Variants in ARHGAP32 observed in about 807,000 individuals in gnomAD.
The protein encoded by ARHGAP32 is rho GTPase-activating protein 32.
In ARHGAP32, 51 loss-of-function variants were observed where a neutral mutation model predicts 186.5. That is an observed-to-expected ratio of 0.27 (90% confidence interval 0.22 to 0.35). ARHGAP32 has a LOEUF of 0.35. Ranked by LOEUF, ARHGAP32 falls within the 10% of genes least tolerant of loss-of-function variation. The probability of loss-of-function intolerance (pLI) is 1.00; values close to 1 mark genes in which losing one functional copy is unlikely to be tolerated. For synonymous variants in ARHGAP32, 950 were observed against 964.3 expected, an observed-to-expected ratio of 0.99 and a Z score of 0.27; for missense variants, 2,186 against 2,623.5, an observed-to-expected ratio of 0.83 and a Z score of 3.64.
intron 12 of ARHGAP32, chr11:128,993,137 G>A (rs1201723664): frequency 6.6e-6 from 1 of 152,158 alleles, no homozygotes; most frequent in African/African-American, 2.4e-5. Context: ...CAGAAGTTTA[G>A]AAAGTATAAT....
In ARHGAP32 at chr11:128,966,829, G is replaced by C. The variant is rs772386890; in HGVS notation, c.*2078C>G. ...TTACAGGGCTGGTGTGGTCTCCAAGGGGCAATGGGTTGCCTACTTGACAAG... is the reference window on the plus strand; with the variant it reads ...TTACAGGGCTGGTGTGGTCTCCAAGCGGCAATGGGTTGCCTACTTGACAAG... On this transcript the variant is annotated 3_prime_UTR_variant, in exon 23 of 23. Coordinates refer to ENST00000682385, the MANE Select transcript of ARHGAP32 (RefSeq NM_001378024.1). 1 of 152,098 alleles carries C rather than the reference G, an allele frequency of 6.6e-6. No homozygotes were observed. The highest frequency in any genetic ancestry group is 1.9e-4 in the East Asian group (1 of 5,190). The allele number at this position is 152,098 out of a possible 1,614,324, so 9.4% of individuals were successfully genotyped here.
intron 2 of ARHGAP32, among the ~76,000 whole-genome samples, chr11:129,130,706 T>C (rs1942790321): frequency 6.6e-6 from 1 of 152,076 alleles, no homozygotes; most frequent in African/African-American, 2.4e-5. Context: ...TAAAGTAGAA[T>C]AGGGTACCAG....
chr11:128,975,282 A>T (rs929033290), intron 20 of ARHGAP32, among the ~76,000 whole-genome samples: 1 of 152,176 alleles, frequency 6.6e-6, no homozygotes, highest in African/African-American at 2.4e-5. Context: ...CTTGGATTCT[A>T]TTACTAATCC....
chr11:128,998,254 G>C (rs991496309), intron 12 of ARHGAP32, 65 bp downstream of exon 12: 4 of 1,323,578 alleles, frequency 3.0e-6, no homozygotes, highest in East Asian at 5.0e-5. Context: ...TCCATAATTG[G>C]TTATAGCAAA....
At chr11:129,012,299 G>T (rs935805365) in intron 11 of ARHGAP32, among the ~76,000 whole-genome samples, 3 of 152,094 alleles carry the variant, frequency 2.0e-5, no homozygotes, top group Non-Finnish European at 2.9e-5. Flanking sequence ...ACAATTATAA[G>T]ATCTAAAAGG....
At chr11:129,268,500 TG>T (rs1350936412) in intron 1 of ARHGAP32, among the ~76,000 whole-genome samples, 1 of 151,966 alleles carries the variant, frequency 6.6e-6, no homozygotes, top group Non-Finnish European at 1.5e-5. Context: ...GAAAGGCAGA[TG>T]GCATATTCCC....
intron 1 of ARHGAP32, among the ~76,000 whole-genome samples, chr11:129,259,839 C>T (rs867268986): frequency 3.3e-5 from 5 of 152,114 alleles, no homozygotes; most frequent in Admixed American, 1.3e-4. Context: ...TCTTCTGAGA[C>T]CAGTAAGAAT....
intron 10 of ARHGAP32, among the ~76,000 whole-genome samples, chr11:129,047,653 C>A (rs886115250): frequency 3.3e-5 from 5 of 152,054 alleles, no homozygotes; most frequent in Non-Finnish European, 5.9e-5. Context: ...GAGATTTGAA[C>A]CAATACAAAT....
At chr11:129,181,342 C>G (rs1166511689) in intron 1 of ARHGAP32, among the ~76,000 whole-genome samples, 1 of 152,190 alleles carries the variant, frequency 6.6e-6, no homozygotes, top group Middle Eastern at 3.4e-3. Flanking sequence ...AAATATGCCT[C>G]AATTCCACTG....
intron 6 of ARHGAP32, among the ~76,000 whole-genome samples, chr11:129,081,749 A>C (rs1941226799): frequency 6.6e-6 from 1 of 152,002 alleles, no homozygotes; most frequent in African/African-American, 2.4e-5. Flanking sequence ...AGTCCTAGCT[A>C]GAACTATCAG....
intron 5 of ARHGAP32, among the ~76,000 whole-genome samples, chr11:129,111,359 C>G (rs1414690217): frequency 6.6e-6 from 1 of 152,114 alleles, no homozygotes; most frequent in Non-Finnish European, 1.5e-5. Flanking sequence ...CTATGTTTAT[C>G]AGGGATATTG....
At chr11:129,115,750 C>G (rs1942349906) in intron 5 of ARHGAP32, among the ~76,000 whole-genome samples, 1 of 152,050 alleles carries the variant, frequency 6.6e-6, no homozygotes, top group Non-Finnish European at 1.5e-5. Flanking sequence ...AGATGGAGCC[C>G]TCTAGAGATA....
chr11:129,009,241 T>C (rs113535785), intron 11 of ARHGAP32, among the ~76,000 whole-genome samples: 176 of 152,246 alleles, frequency 1.2e-3, no homozygotes, highest in African/African-American at 3.9e-3. Context: ...TATTGCTAGG[T>C]AACTTAATTT....
rs758531693 is a variant in ARHGAP32, at chr11:129,209,690, A to G, written c.-4-45263T>C. 1.5e-3 allele frequency among the ~76,000 whole-genome samples: 230 copies of G among 152,138 alleles called. 3 individuals carry two copies. The highest frequency in any genetic ancestry group is 2.0e-3 in the Non-Finnish European group (136 of 67,980). On this transcript the variant is annotated intron_variant, in intron 1 of 6. Transcript: ENST00000525234. ...TTGCAAAAAAAAAAAAATTGTAAAA[A>G]GTTCTGAAAAATGTAATACATGATG...
In ARHGAP32 at chr11:128,974,384, C is replaced by G; in HGVS notation, c.2813G>C (p.Gly938Ala). ...CTGAGCTGTGGTATTTGAGACTGTA[C>G]CAATGACTTCTGACACCCGTGGTGG... is the stretch of plus-strand genomic sequence containing the variant. ...TLPPRVSEVI[G>A]TVSNTTAQNA... The change falls in exon 21 of 23, where the codon GGT (glycine) becomes GCT (alanine). Residue 938 changes from glycine (G) to alanine (A), a missense_variant. By Grantham distance (60) the Gly-to-Ala change is moderately conservative. Coordinates refer to ENST00000682385, the MANE Select transcript of ARHGAP32 (RefSeq NM_001378024.1). 6.2e-7 allele frequency: 1 copy of G among 1,614,164 alleles called. No individual in the cohort carries two copies. The highest frequency in any genetic ancestry group is 8.5e-7 in the Non-Finnish European group (1 of 1,180,022).
At chr11:129,114,558 T>C (rs476854) in intron 5 of ARHGAP32, among the ~76,000 whole-genome samples, 107,187 of 151,960 alleles carry the variant, frequency 0.71, 38,074 homozygotes, top group South Asian at 0.82. Context: ...ACCCTATACA[T>C]GTCTGAATAT....
At chr11:129,268,346 G>A (rs1000212729) in intron 1 of ARHGAP32, among the ~76,000 whole-genome samples, 1 of 152,126 alleles carries the variant, frequency 6.6e-6, no homozygotes, top group Non-Finnish European at 1.5e-5. Context: ...CAATTTCATA[G>A]AATGAGATAC....
intron 5 of ARHGAP32, among the ~76,000 whole-genome samples, chr11:129,099,027 A>T (rs1311392146): frequency 6.6e-6 from 1 of 152,216 alleles, no homozygotes; most frequent in Non-Finnish European, 1.5e-5. Flanking sequence ...TCAACTAAAC[A>T]CATTTAAAAA....
chr11:129,180,880 C>A (rs1944040005), intron 1 of ARHGAP32, among the ~76,000 whole-genome samples: 1 of 152,156 alleles, frequency 6.6e-6, no homozygotes, highest in South Asian at 2.1e-4. Flanking sequence ...GCCTTATCAT[C>A]TTGCTGTTTC....
Sources: allele counts gnomAD v4.1 joint callset (sites outside exome capture counted in the v4.1 genomes callset), GRCh38; gene constraint gnomAD v4.1.1; transcripts MANE v1.5; gene names NCBI Gene and HGNC (gene_info 2026-07-23, HGNC 2026-07-21).